The following FURIN variants were observed in gnomAD, a reference collection of about 807,000 sequenced individuals.
FURIN encodes the protein FES upstream region.
FURIN carries 18 observed loss-of-function variants against 89.2 expected under a neutral mutation model. That is an observed-to-expected ratio of 0.20 (90% CI 0.14 to 0.30). The LOEUF is 0.30. Among genes scored for constraint, FURIN ranks in the 10% least tolerant of loss-of-function variants. The probability of loss-of-function intolerance (pLI) is 1.00; values close to 1 mark genes in which losing one functional copy is unlikely to be tolerated. For synonymous variants in FURIN, 508 were observed against 466.4 expected (o/e 1.09, Z -1.15); for missense variants, 879 against 1,100.5 (o/e 0.80, Z 2.85).
intron 9 of FURIN, 82 bp from the exon 10 acceptor site, chr15:90,879,362 G>A: frequency 9.8e-7 from 1 of 1,015,964 alleles, no homozygotes; most frequent in Admixed American, 1.7e-5. Flanking sequence ...CCCAGGGCCT[G>A]TATGCAGAGG....
chr15:90,877,044 A>C lies in FURIN; in HGVS notation c.501+20A>C, dbSNP rs764040021. 1 of 1,613,946 alleles carries C rather than the reference A, an allele frequency of 6.2e-7. No individual in the cohort carries two copies. Among genetic ancestry groups the C allele is most frequent in the Non-Finnish European group, 8.5e-7 (1 of 1,179,930 alleles). On this transcript the variant is annotated intron_variant, in intron 5 of 15. Coordinates refer to ENST00000268171, the MANE Select transcript of FURIN (RefSeq NM_002569.4). ...AATTATGTGAGGAAGTCGGGGAGGGAGGCCGTGATCCCTGCTGAGGTGTGT... is the reference window on the plus strand; with the variant it reads ...AATTATGTGAGGAAGTCGGGGAGGGCGGCCGTGATCCCTGCTGAGGTGTGT...
In FURIN at chr15:90,881,488, C is replaced by A; in HGVS notation, c.1995C>A (p.His665Gln). The A allele has an allele frequency of 6.2e-7, 1 of 1,612,110 alleles. No individual in the cohort carries two copies. The highest frequency in any genetic ancestry group is 8.5e-7 in the Non-Finnish European group (1 of 1,179,766). Residue 665 changes from histidine (H) to glutamine (Q), a missense_variant, in exon 16 of 16, where the codon CAC (histidine) becomes CAA (glutamine). Transcript: ENST00000268171. This position sits in a 1 kb window ranked among gnomAD's most constrained non-coding sequence, Gnocchi z 4.3. ...CAGACTGCCTCAGCTGCCCCAGCCA[C>A]GCCTCCTTGGACCCTGTGGAGCAGA... ...ALTDCLSCPS[H>Q]ASLDPVEQTC...
rs199871942 is a variant in FURIN, at chr15:90,880,828, C to G, written c.1681+13C>G. The G allele has an allele frequency of 1.2e-6, 2 of 1,612,214 alleles. No homozygotes were observed. The highest frequency in any genetic ancestry group is 1.3e-5 in the African/African-American group (1 of 74,904). On this transcript the variant is annotated intron_variant, in intron 14 of 15. Transcript: ENST00000268171. The stretch of plus-strand genomic sequence containing the variant: ...GCCAACAACTATGGTACTGGGGGCA[C>G]TTGAGGGGTAGGGGTACGAGGTGGA...
In FURIN at chr15:90,881,976, C is replaced by A; in HGVS notation, c.*98C>A. On this transcript the variant is annotated 3_prime_UTR_variant, in exon 16 of 16. Coordinates refer to ENST00000268171, the MANE Select transcript of FURIN (RefSeq NM_002569.4). The surrounding 1 kb of genome is among the most constrained non-coding windows in gnomAD (Gnocchi z 4.3). Reference sequence around the variant, plus strand: ...TCTTGGGACTGGGTTTGGACCCCAGCTGGGAGGCAAGAGGGGTGGAGACTG... The same window carrying A: ...TCTTGGGACTGGGTTTGGACCCCAGATGGGAGGCAAGAGGGGTGGAGACTG... 1 of 894,680 alleles carries A rather than the reference C, an allele frequency of 1.1e-6. No homozygotes were observed. The highest frequency in any genetic ancestry group is 2.7e-5 in the East Asian group (1 of 37,594). The allele number at this position is 894,680 out of a possible 1,614,324, so 55.4% of individuals were successfully genotyped here.
At chr15:90,877,996 A>G in intron 7 of FURIN, 136 bp from the exon 8 acceptor site, 1 of 757,104 alleles carries the variant, frequency 1.3e-6, no homozygotes, top group Middle Eastern at 3.8e-4. Flanking sequence ...TTGGGGGTTC[A>G]GGGTTTCTCA....
intron 8 of FURIN, among the ~76,000 whole-genome samples, 166 bp downstream of exon 8, chr15:90,878,470 G>C (rs2031758223): frequency 6.6e-6 from 1 of 152,164 alleles, no homozygotes; most frequent in African/African-American, 2.4e-5. Flanking sequence ...TATACCACTT[G>C]GACTTGCCTA....
At chr15:90,875,171 A>G (rs1465204352) in intron 1 of FURIN, among the ~76,000 whole-genome samples, 1 of 151,590 alleles carries the variant, frequency 6.6e-6, no homozygotes, top group Non-Finnish European at 1.5e-5. Flanking sequence ...AGTCGCTGGC[A>G]CTACAAGCAC....
chr15:90,880,052 C>T (rs770294071), intron 12 of FURIN, 42 bp from the exon 13 acceptor site: 2 of 1,603,526 alleles, frequency 1.2e-6, no homozygotes, highest in South Asian at 1.1e-5. Context: ...GCCCGCTGGT[C>T]CCTCTGGGCC....
chr15:90,875,223 C>T (rs1225288316), intron 1 of FURIN, among the ~76,000 whole-genome samples: 1 of 151,932 alleles, frequency 6.6e-6, no homozygotes, highest in African/African-American at 2.4e-5. Flanking sequence ...TTAGTAGAGA[C>T]GAGGTTGCAC....
intron 7 of FURIN, among the ~76,000 whole-genome samples, chr15:90,877,894 C>G (rs1596077130): frequency 6.6e-6 from 1 of 152,226 alleles, no homozygotes; most frequent in Non-Finnish European, 1.5e-5. Flanking sequence ...ACCAGAGACT[C>G]TTTCTAGTCC....
chr15:90,871,187 G>A (rs977868199), intron 1 of FURIN, among the ~76,000 whole-genome samples: 2 of 152,124 alleles, frequency 1.3e-5, no homozygotes, highest in East Asian at 1.9e-4. Flanking sequence ...GTGGGGAAGC[G>A]GGGGACGGAG....
At chr15:90,875,978 G>A in intron 2 of FURIN, 61 bp downstream of exon 2, 1 of 1,386,670 alleles carries the variant, frequency 7.2e-7, no homozygotes, top group South Asian at 1.4e-5. Flanking sequence ...GGGATTCTGG[G>A]AGCAGGAGCT....
rs756289233 is a variant in FURIN, at chr15:90,878,760, A to G, written c.841-4A>G. On this transcript the variant is annotated splice_region_variant and splice_polypyrimidine_tract_variant and intron_variant, in intron 8 of 15. Coordinates refer to ENST00000268171, the MANE Select transcript of FURIN (RefSeq NM_002569.4). ...TGAATGACCCCAGCCCACTCTGTCC[A>G]CAGGGCCGAGGGGGGCTGGGCTCCA... is the stretch of plus-strand genomic sequence containing the variant. 9 of 1,582,244 alleles carry G rather than the reference A, an allele frequency of 5.7e-6. No homozygotes were observed. The highest frequency in any genetic ancestry group is 5.0e-5 in the Admixed American group (3 of 59,950).
Position 90,881,379 on chromosome 15 carries a change from C to G in FURIN, c.1886C>G (p.Thr629Ser), listed in dbSNP as rs2031961495. ...APQVLDTHYS[T>S]ENDVETIRAS... ...CAAGTCCTCGATACGCACTATAGCA[C>G]CGAGAATGACGTGGAGACCATCCGG... is the stretch of plus-strand genomic sequence containing the variant. The change falls in exon 16 of 16, where the codon ACC (threonine) becomes AGC (serine). Residue 629 changes from threonine (T) to serine (S), a missense_variant. By Grantham distance (58) the Thr-to-Ser change is moderately conservative. Coordinates refer to ENST00000268171, the MANE Select transcript of FURIN (RefSeq NM_002569.4). This position sits in a 1 kb window ranked among gnomAD's most constrained non-coding sequence, Gnocchi z 4.3. The G allele has an allele frequency of 6.2e-7, 1 of 1,612,852 alleles. No homozygotes were observed. The highest frequency in any genetic ancestry group is 8.5e-7 in the Non-Finnish European group (1 of 1,179,924).
At position 90,875,918 on chromosome 15, in the gene FURIN, G is replaced by T; in HGVS notation, c.177+1G>T. On this transcript the variant is annotated splice_donor_variant, in intron 2 of 15. Coordinates refer to ENST00000268171, the MANE Select transcript of FURIN (RefSeq NM_002569.4). LOFTEE classifies it high-confidence loss of function. ...GCATGGGTTCCTCAACCTGGGCCAG[G>T]TAGGTGTTCCCCCACAGGACACTGC... 6.3e-7 allele frequency: 1 copy of T among 1,578,726 alleles called. No homozygotes were observed. Among genetic ancestry groups the T allele is most frequent in the Non-Finnish European group, 8.6e-7 (1 of 1,163,174 alleles).
At position 90,875,889 on chromosome 15, in the gene FURIN, G is replaced by A. The variant is rs762761348; in HGVS notation, c.149G>A (p.Arg50Gln). The change falls in exon 2 of 16, where the codon CGG (arginine) becomes CAG (glutamine). Residue 50 changes from arginine to glutamine, a missense_variant. Arg to Gln is a conservative substitution (Grantham distance 43, BLOSUM62 1). Transcript: ENST00000268171. ...CCAGCGGTGGCCAACAGTGTGGCACGGAAGCATGGGTTCCTCAACCTGGGC... is the reference window on the plus strand; with the variant it reads ...CCAGCGGTGGCCAACAGTGTGGCACAGAAGCATGGGTTCCTCAACCTGGGC... Reference protein sequence around the residue: ...GGPAVANSVARKHGFLNLGQI... With the variant: ...GGPAVANSVAQKHGFLNLGQI... The A allele has an allele frequency of 1.1e-5, 17 of 1,589,672 alleles. No individual in the cohort carries two copies. The highest frequency in any genetic ancestry group is 3.6e-5 in the Admixed American group (2 of 55,198).
At position 90,877,127 on chromosome 15, in the gene FURIN, C is replaced by T. The variant is rs1179092071; in HGVS notation, c.502-8C>T. 2 of 1,610,760 alleles carry T rather than the reference C, an allele frequency of 1.2e-6. No homozygotes were observed. The highest frequency in any genetic ancestry group is 2.2e-5 in the South Asian group (2 of 90,536). ...GCCTTCTCCTGATGGTGGCCAAATC[C>T]TTCTTAGGATCCTGGGGCCAGTTTT... is the stretch of plus-strand genomic sequence containing the variant. On this transcript the variant is annotated splice_region_variant and splice_polypyrimidine_tract_variant and intron_variant, in intron 5 of 15. Coordinates refer to ENST00000268171, the MANE Select transcript of FURIN (RefSeq NM_002569.4).
Position 90,875,740 on chromosome 15 carries a change from C to A in FURIN, c.-1C>A, listed in dbSNP as rs759531505. 7.8e-6 allele frequency: 12 copies of A among 1,539,766 alleles called. No homozygotes were observed. The highest frequency in any genetic ancestry group is 9.6e-6 in the Non-Finnish European group (11 of 1,140,102). On this transcript the variant is annotated 5_prime_UTR_variant, in exon 2 of 16. Transcript: ENST00000268171. ...CAGGGTCCCAGCCACCTGTCCCCCCCATGGAGCTGAGGCCCTGGTTGCTAT... is the reference window on the plus strand; with the variant it reads ...CAGGGTCCCAGCCACCTGTCCCCCCAATGGAGCTGAGGCCCTGGTTGCTAT...
At position 90,870,999 on chromosome 15, in the gene FURIN, C is replaced by T. The variant is rs576410696; in HGVS notation, c.-160+2288C>T. Among the ~76,000 whole-genome samples, 15 of 152,352 alleles carry T rather than the reference C, an allele frequency of 9.8e-5. No homozygotes were observed. In the South Asian group the frequency reaches 3.1e-3, roughly 32 times the overall value. On this transcript the variant is annotated intron_variant, in intron 1 of 15. Transcript: ENST00000268171. ...AATATTAAAAGGAGGTGGGCTACTT[C>T]TGCTCATATATCCACCTGTCTATAC...
Sources: gnomAD v4.1 joint callset for allele counts (sites outside exome capture counted in the v4.1 genomes callset) on GRCh38, gnomAD v4.1.1 for gene constraint, Gnocchi (gnomAD v3.1) non-coding constraint, MANE v1.5 for transcripts, NCBI Gene and HGNC (gene_info 2026-07-23, HGNC 2026-07-21) for gene names.